The following PIGN variants were observed in gnomAD, a reference collection of about 807,000 sequenced individuals.
The protein encoded by PIGN is phosphatidylinositol glycan anchor biosynthesis class N, also known as GPI ethanolamine phosphate transferase 1.
A neutral mutation model predicts 125.4 loss-of-function variants in PIGN; 117 were observed. That is an observed-to-expected ratio of 0.93 (90% CI 0.80 to 1.09). The LOEUF (loss-of-function observed/expected upper bound fraction) is 1.09. PIGN is among the 50% of genes least tolerant of loss of function. The pLI, the probability that PIGN is intolerant of heterozygous loss-of-function variation, is 0.00. For missense variants in PIGN, 1,075 were observed against 1,094.9 expected, an observed-to-expected ratio of 0.98 and a Z score of 0.26; for synonymous variants, 392 against 377.8, an observed-to-expected ratio of 1.04 and a Z score of -0.44.
intron 6 of PIGN, 63 bp downstream of exon 6, chr18:62,157,066 A>G: frequency 1.5e-6 from 1 of 687,358 alleles, no homozygotes. Flanking sequence ...ATAAAAATAG[A>G]AAACTACCAT....
chr18:62,063,185 G>A (rs920052432), intron 30 of PIGN, among the ~76,000 whole-genome samples: 3 of 150,758 alleles, frequency 2.0e-5, no homozygotes, highest in Non-Finnish European at 4.4e-5. Flanking sequence ...CCTCCCAAAG[G>A]CTATTTTCTA....
At chr18:62,112,947 A>G in intron 16 of PIGN, 187 bp downstream of exon 16, 1 of 537,562 alleles carries the variant, frequency 1.9e-6, no homozygotes, top group Non-Finnish European at 3.3e-6. Context: ...CATTATTATC[A>G]ATATATCTTT....
chr18:62,167,279 G>GAT (rs1285359945), intron 1 of PIGN, among the ~76,000 whole-genome samples: 1 of 105,182 alleles, frequency 9.5e-6, no homozygotes, highest in African/African-American at 3.8e-5. Context: ...GATATATAGA[G>GAT]ATATATATGT....
At chr18:62,029,540 G>A in intron 23 of PIGN, among the ~76,000 whole-genome samples, 1 of 152,176 alleles carries the variant, frequency 6.6e-6, no homozygotes, top group East Asian at 1.9e-4. Flanking sequence ...AGTTAAACTG[G>A]CTTAATCTGA....
chr18:62,067,103 T>A (rs979807007), intron 30 of PIGN, among the ~76,000 whole-genome samples: 1 of 152,060 alleles, frequency 6.6e-6, no homozygotes, highest in African/African-American at 2.4e-5. Context: ...AAAGCAACAA[T>A]CTTTCATTCC....
chr18:62,175,275 G>T (rs1051846819), intron 1 of PIGN, among the ~76,000 whole-genome samples: 1 of 151,508 alleles, frequency 6.6e-6, no homozygotes, highest in Non-Finnish European at 1.5e-5. Flanking sequence ...ACTACACAAT[G>T]TAAGTTTCTC....
chr18:62,162,803 GAAT>G (rs1339239210), intron 2 of PIGN, among the ~76,000 whole-genome samples: 1 of 152,006 alleles, frequency 6.6e-6, no homozygotes, highest in African/African-American at 2.4e-5. Flanking sequence ...AGGCAGTTTA[GAAT>G]AATAATCACT....
At chr18:62,063,263 A>ATACAAAATCTAT (rs1568132052) in intron 30 of PIGN, among the ~76,000 whole-genome samples, 1,593 of 148,968 alleles carry the variant, frequency 0.011, no homozygotes, top group Admixed American at 0.013. Context: ...TATAGATTTT[A>ATACAAAATCTAT]GCCAAAATCT....
intron 3 of PIGN, among the ~76,000 whole-genome samples, chr18:62,162,011 A>G (rs2036970860): frequency 6.6e-6 from 1 of 152,152 alleles, no homozygotes. Flanking sequence ...TGTGCTTCAG[A>G]AAATTTGTAC....
At chr18:62,143,523 A>T (rs1568224367) in intron 10 of PIGN, among the ~76,000 whole-genome samples, 177 bp from the exon 11 acceptor site, 2 of 152,182 alleles carry the variant, frequency 1.3e-5, no homozygotes, top group African/African-American at 4.8e-5. Flanking sequence ...TAAAGAATTT[A>T]AAAAAAACAA....
chr18:62,106,930 T>C (rs1336560485), intron 18 of PIGN, 49 bp from the exon 19 acceptor site: 7 of 1,531,128 alleles, frequency 4.6e-6, no homozygotes, highest in Admixed American at 3.7e-5. Context: ...CATTTAATAC[T>C]AGTTACAAAT....
chr18:62,126,868 A>G (rs2035553019), intron 14 of PIGN, among the ~76,000 whole-genome samples: 1 of 152,190 alleles, frequency 6.6e-6, no homozygotes, highest in Non-Finnish European at 1.5e-5. Context: ...TATGAGCAGC[A>G]GTTTAGTAAA....
At chr18:62,059,120 A>G (rs922060778) in intron 30 of PIGN, 5 of 147,314 alleles carry the variant, frequency 3.4e-5, no homozygotes, top group Non-Finnish European at 5.9e-5. Context: ...TTCAGCCTAC[A>G]AGGTGGAAGC....
chr18:62,090,418 C>T, intron 24 of PIGN, 58 bp downstream of exon 24: 1 of 930,776 alleles, frequency 1.1e-6, no homozygotes, highest in Non-Finnish European at 1.6e-6. Context: ...TTGCAACTTC[C>T]TTATAGGATA....
intron 30 of PIGN, among the ~76,000 whole-genome samples, chr18:62,047,001 G>A (rs2030771496): frequency 6.6e-6 from 1 of 152,136 alleles, no homozygotes; most frequent in Non-Finnish European, 1.5e-5. Flanking sequence ...ACTGGGCACA[G>A]ACCAAAAAGA....
intron 2 of PIGN, 147 bp from the exon 3 acceptor site, chr18:62,162,476 A>G (rs561910918): frequency 1.3e-5 from 2 of 152,308 alleles, no homozygotes; most frequent in African/African-American, 4.8e-5. Flanking sequence ...CTTGGCCTGA[A>G]GAATCACATC....
rs140579238 is a variant in PIGN, at chr18:62,024,509, G to T, written c.2143-6768C>A. Among the ~76,000 whole-genome samples, 806 of 152,154 alleles carry T rather than the reference G, an allele frequency of 5.3e-3. 6 individuals carry two copies. Among genetic ancestry groups the T allele is most frequent in the African/African-American group, 0.017 (724 of 41,508 alleles). On this transcript the variant is annotated intron_variant, in intron 23 of 24. Coordinates refer to the PIGN transcript ENST00000639600. ...TAGAAATTCTCTCCCCCTTAACCCT[G>T]GTTCTCCTCTTTTTCCTCCTCTCTA...
chr18:62,130,148 G>A (rs1188527481), intron 14 of PIGN, among the ~76,000 whole-genome samples: 2 of 152,276 alleles, frequency 1.3e-5, no homozygotes, highest in Admixed American at 6.5e-5. Context: ...CATGGTTCTG[G>A]TGACACCTTG....
intron 14 of PIGN, among the ~76,000 whole-genome samples, chr18:62,121,880 T>C (rs1294585760): frequency 6.8e-6 from 1 of 147,150 alleles, no homozygotes; most frequent in Non-Finnish European, 1.5e-5. Context: ...CTTTTAGATA[T>C]ATATACCTAG....
Sources: allele counts gnomAD v4.1 joint callset (sites outside exome capture counted in the v4.1 genomes callset), GRCh38; gene constraint gnomAD v4.1.1; transcripts MANE v1.5; gene names NCBI Gene and HGNC (gene_info 2026-07-23, HGNC 2026-07-21).